The following PTK2B variants were observed in gnomAD, a reference collection of about 807,000 sequenced individuals.
The protein encoded by PTK2B is protein-tyrosine kinase 2-beta.
Under a neutral mutation model 142.9 loss-of-function variants are expected in PTK2B, and 71 were observed. The ratio of observed to expected loss-of-function variants is 0.50; its 90% CI spans 0.41 to 0.61. The LOEUF (loss-of-function observed/expected upper bound fraction) is 0.61. PTK2B is among the 20% of genes least tolerant of loss of function. The pLI, the probability that PTK2B is intolerant of heterozygous loss-of-function variation, is 0.00. For missense variants in PTK2B, 1,105 were observed against 1,320.4 expected (o/e 0.84, Z 2.53); for synonymous variants, 519 against 503.4 (o/e 1.03, Z -0.42).
At chr8:27,457,903 A>G (rs1812234565) in intron 30 of PTK2B, among the ~76,000 whole-genome samples, 1 of 148,002 alleles carries the variant, frequency 6.8e-6, no homozygotes, top group Non-Finnish European at 1.5e-5. Context: ...TGAACCCAGG[A>G]GGCGGGCATT....
upstream of PTK2B, among the ~76,000 whole-genome samples, chr8:27,321,057 C>T (rs952807873): frequency 8.1e-5 from 10 of 123,864 alleles, no homozygotes; most frequent in African/African-American, 3.1e-4. Flanking sequence ...TCCACTGGTG[C>T]AATCATAGCT....
At chr8:27,403,135 G>A (rs976291405) in intron 2 of PTK2B, among the ~76,000 whole-genome samples, 3 of 152,138 alleles carry the variant, frequency 2.0e-5, no homozygotes, top group African/African-American at 7.2e-5. Flanking sequence ...ATCCTTTGAT[G>A]GAGTTTTCTA....
chr8:27,319,871 A>G (rs1460065624), intron 3 of PTK2B, among the ~76,000 whole-genome samples: 1 of 152,194 alleles, frequency 6.6e-6, no homozygotes, highest in Non-Finnish European at 1.5e-5. Flanking sequence ...TCTGAAGAAA[A>G]GAAAAACGCT....
chr8:27,445,931 C>T lies in PTK2B; in HGVS notation c.2340+12C>T, dbSNP rs779714839. 9 of 1,612,766 alleles carry T rather than the reference C, an allele frequency of 5.6e-6. No individual in the cohort carries two copies. Among genetic ancestry groups the T allele is most frequent in the Non-Finnish European group, 7.6e-6 (9 of 1,180,044 alleles). On this transcript the variant is annotated intron_variant, in intron 24 of 30. Transcript: ENST00000346049. ...GCCACAGCATGCGGGTAAGAGGGCT[C>T]TGCATGCTGGTCCCTGCCCGGACTG...
At chr8:27,399,651 T>C (rs1283404845) in intron 2 of PTK2B, among the ~76,000 whole-genome samples, 1 of 152,174 alleles carries the variant, frequency 6.6e-6, no homozygotes. Flanking sequence ...TTAAGAAGAA[T>C]GGCTTTGAGG....
chr8:27,399,987 G>A (rs767770560), intron 2 of PTK2B, among the ~76,000 whole-genome samples: 3 of 152,222 alleles, frequency 2.0e-5, no homozygotes, highest in African/African-American at 7.2e-5. Context: ...GCTATTGACT[G>A]TGTGGGTATT....
chr8:27,444,244 C>T lies in PTK2B; in HGVS notation c.2187C>T (p.Asn729=), dbSNP rs139850323. 2 of 1,613,818 alleles carry T rather than the reference C, an allele frequency of 1.2e-6. No homozygotes were observed. Among genetic ancestry groups the T allele is most frequent in the African/African-American group, 2.7e-5 (2 of 74,904 alleles). Residue 729 remains asparagine (N), a synonymous_variant, in exon 23 of 31, where the codon AAC becomes AAT. Coordinates refer to ENST00000346049, the MANE Select transcript of PTK2B (RefSeq NM_173176.3). Reference sequence around the variant, plus strand: ...AGTACAGACCCCCTCCGCAAACCAACCTCCTGGCTCCAAAGCTGCAGTTCC... The same window carrying T: ...AGTACAGACCCCCTCCGCAAACCAATCTCCTGGCTCCAAAGCTGCAGTTCC... The part of the protein sequence containing the change: ...RPKYRPPPQT[N]LLAPKLQFQV...
At chr8:27,404,141 G>A (rs1456823684) in intron 2 of PTK2B, among the ~76,000 whole-genome samples, 2 of 152,078 alleles carry the variant, frequency 1.3e-5, no homozygotes, top group African/African-American at 4.8e-5. Context: ...TAATGACATG[G>A]TCACCTTCGT....
chr8:27,347,753 T>C (rs1804801188), intron 1 of PTK2B, among the ~76,000 whole-genome samples: 1 of 152,222 alleles, frequency 6.6e-6, no homozygotes, highest in Non-Finnish European at 1.5e-5. Context: ...CATAGGAATT[T>C]TGGGGGACAC....
At chr8:27,355,838 A>G (rs753386128) in intron 1 of PTK2B, among the ~76,000 whole-genome samples, 5 of 152,184 alleles carry the variant, frequency 3.3e-5, no homozygotes, top group Non-Finnish European at 7.4e-5. Flanking sequence ...CCTGGCCAAC[A>G]TAGTGAAACC....
chr8:27,432,501 T>G lies in PTK2B; in HGVS notation c.987+140T>G, dbSNP rs41316468. On this transcript the variant is annotated intron_variant, in intron 10 of 30. Coordinates refer to ENST00000346049, the MANE Select transcript of PTK2B (RefSeq NM_173176.3). The stretch of plus-strand genomic sequence containing the variant: ...GCTTTGGGGATCGTGTTAAGAAAAC[T>G]GCACCAAGTTCTTAGACAAAAGGTA... The G allele has an allele frequency of 8.9e-3, 6,350 of 709,528 alleles. 46 individuals carry two copies. The highest frequency in any genetic ancestry group is 0.012 in the Non-Finnish European group (5,373 of 436,954). The allele number at this position is 709,528 out of a possible 1,614,324, so 44.0% of individuals were successfully genotyped here.
intron 1 of PTK2B, among the ~76,000 whole-genome samples, chr8:27,370,546 T>G (rs569008357): frequency 1.3e-5 from 2 of 152,336 alleles, no homozygotes; most frequent in East Asian, 1.9e-4. Flanking sequence ...GTGGTTGGTA[T>G]GATTTCCCTT....
At chr8:27,424,206 C>G (rs1172047580) in intron 5 of PTK2B, among the ~76,000 whole-genome samples, 2 of 152,108 alleles carry the variant, frequency 1.3e-5, no homozygotes, top group African/African-American at 4.8e-5. Context: ...TGTCACCTGT[C>G]AAGCAGTCAT....
chr8:27,327,044 C>G (rs1803461714), intron 1 of PTK2B, among the ~76,000 whole-genome samples: 1 of 152,040 alleles, frequency 6.6e-6, no homozygotes, highest in Non-Finnish European at 1.5e-5. Flanking sequence ...GCAGAAGTGA[C>G]TCCAAATTGA....
chr8:27,374,791 T>C (rs984042441), intron 1 of PTK2B, among the ~76,000 whole-genome samples: 8 of 152,160 alleles, frequency 5.3e-5, no homozygotes, highest in African/African-American at 1.9e-4. Context: ...AAGCATCAAA[T>C]GTAGAAACCA....
At chr8:27,427,009 A>G (rs1004699978) in intron 5 of PTK2B, among the ~76,000 whole-genome samples, 1 of 152,200 alleles carries the variant, frequency 6.6e-6, no homozygotes, top group Non-Finnish European at 1.5e-5. Context: ...ACAACAGATC[A>G]TAAGCCTGGA....
At chr8:27,356,910 C>T (rs1805423656) in intron 1 of PTK2B, among the ~76,000 whole-genome samples, 1 of 152,062 alleles carries the variant, frequency 6.6e-6, no homozygotes, top group African/African-American at 2.4e-5. Context: ...TGGGTGGTGG[C>T]ACGAATGTGT....
At chr8:27,383,972 C>T (rs1260435989) in intron 1 of PTK2B, among the ~76,000 whole-genome samples, 11 of 151,868 alleles carry the variant, frequency 7.2e-5, no homozygotes, top group African/African-American at 2.7e-4. Context: ...CCTCAGCCTC[C>T]CGAGTAGCTG....
chr8:27,340,891 T>C (rs987408369), intron 1 of PTK2B, among the ~76,000 whole-genome samples: 2 of 152,206 alleles, frequency 1.3e-5, no homozygotes, highest in South Asian at 4.1e-4. Context: ...TTGCTGCTGT[T>C]TGCGTATGTG....
Sources: gnomAD v4.1 joint callset for allele counts (sites outside exome capture counted in the v4.1 genomes callset) on GRCh38, gnomAD v4.1.1 for gene constraint, MANE v1.5 for transcripts, NCBI Gene and HGNC (gene_info 2026-07-23, HGNC 2026-07-21) for gene names.